The following DRC1 variants were observed in gnomAD, a reference collection of about 807,000 sequenced individuals.
DRC1 encodes the protein dynein regulatory complex protein 1.
In DRC1, 74 loss-of-function variants were observed where a neutral mutation model predicts 98.7. The ratio of observed to expected loss-of-function variants is 0.75; its 90% CI spans 0.62 to 0.91. DRC1 has a LOEUF of 0.91. Ranked by LOEUF, DRC1 falls within the 40% of genes least tolerant of loss-of-function variation. The probability of loss-of-function intolerance (pLI) is 0.00; values close to 1 mark genes in which losing one functional copy is unlikely to be tolerated. For synonymous variants in DRC1, 336 were observed against 334.1 expected, an observed-to-expected ratio of 1.01 and a Z score of -0.06; for missense variants, 875 against 886.0, an observed-to-expected ratio of 0.99 and a Z score of 0.16.
At chr2:26,439,170 C>T (rs529255656) in intron 7 of DRC1, among the ~76,000 whole-genome samples, 1 of 152,116 alleles carries the variant, frequency 6.6e-6, no homozygotes, top group Non-Finnish European at 1.5e-5. Context: ...GCACCCACCC[C>T]CCTTGCCTCA....
In DRC1 at chr2:26,455,243, G is replaced by C. The variant is rs368470989; in HGVS notation, c.2166+10G>C. On this transcript the variant is annotated intron_variant, in intron 16 of 16. Coordinates refer to ENST00000288710, the MANE Select transcript of DRC1 (RefSeq NM_145038.5). ...GTATCTGAACTCCAAGGTGGGCGGCGGGGCCTTCCAAGGAGGGGCAGCGGG... is the reference window on the plus strand; with the variant it reads ...GTATCTGAACTCCAAGGTGGGCGGCCGGGCCTTCCAAGGAGGGGCAGCGGG... 1 of 1,610,086 alleles carries C rather than the reference G, an allele frequency of 6.2e-7. No individual in the cohort carries two copies. The highest frequency in any genetic ancestry group is 1.1e-5 in the South Asian group (1 of 90,934).
At position 26,432,098 on chromosome 2, in the gene DRC1, T is replaced by C. The variant is rs149927172; in HGVS notation, c.888+92T>C. On this transcript the variant is annotated intron_variant, in intron 7 of 16. Coordinates refer to ENST00000288710, the MANE Select transcript of DRC1 (RefSeq NM_145038.5). ...TCATATTTAGCAACTACCTGTGATA[T>C]TCTAGAGGTAGTCCCTTCAGCACGT... 3.1e-3 allele frequency: 4,718 copies of C among 1,501,138 alleles called. 8 individuals carry two copies. The highest frequency in any genetic ancestry group is 3.9e-3 in the Non-Finnish European group (4,344 of 1,120,062). 93.0% of individuals were successfully genotyped at this position (1,501,138 alleles called of 1,614,324 possible).
intron 2 of DRC1, among the ~76,000 whole-genome samples, 197 bp downstream of exon 2, chr2:26,414,628 C>T (rs751341063): frequency 5.3e-5 from 8 of 152,226 alleles, no homozygotes; most frequent in Non-Finnish European, 1.2e-4. Flanking sequence ...GCTGTCTCTT[C>T]TCTGCTCATG....
chr2:26,430,574 C>T (rs746949743), intron 5 of DRC1: 24 of 645,112 alleles, frequency 3.7e-5, no homozygotes, highest in East Asian at 2.3e-4. Flanking sequence ...ATCTCCTCTC[C>T]GCATTTGGAG....
At chr2:26,417,255 A>G (rs1028634704) in intron 2 of DRC1, among the ~76,000 whole-genome samples, 4 of 151,958 alleles carry the variant, frequency 2.6e-5, no homozygotes, top group African/African-American at 9.7e-5. Context: ...TAGCTTTATG[A>G]CAGTTCTTGA....
Position 26,453,545 on chromosome 2 carries a change from C to G in DRC1, c.1915C>G (p.Pro639Ala). ...GGCCTTCGTCATGGGTCTGAAGAAG[C>G]CTAGGTGGGCTGCGGGGCTGGAAGG... Reference protein sequence around the residue: ...LEAFVMGLKKPRDSRAPLRVQ... With the variant: ...LEAFVMGLKKARDSRAPLRVQ... Residue 639 changes from proline to alanine, a missense_variant, in exon 14 of 17, where the codon CCT (proline) becomes GCT (alanine). By Grantham distance (27) the Pro-to-Ala change is conservative (BLOSUM62 -1). Coordinates refer to ENST00000288710, the MANE Select transcript of DRC1 (RefSeq NM_145038.5). 1.9e-6 allele frequency: 3 copies of G among 1,612,866 alleles called. No individual in the cohort carries two copies. The highest frequency in any genetic ancestry group is 2.5e-6 in the Non-Finnish European group (3 of 1,179,192).
At chr2:26,455,719 C>A (rs1315947123) in intron 16 of DRC1, among the ~76,000 whole-genome samples, 2 of 152,260 alleles carry the variant, frequency 1.3e-5, no homozygotes, top group Non-Finnish European at 2.9e-5. Context: ...TGGGATATGA[C>A]TGGAGGGTCA....
rs1427257387 is a variant in DRC1 at position 26,456,572 on chromosome 2, C to T, written c.*55C>T. The T allele has an allele frequency of 6.9e-6, 11 of 1,605,520 alleles. No individual in the cohort carries two copies. Among genetic ancestry groups the T allele is most frequent in the Admixed American group, 3.3e-5 (2 of 59,770 alleles). On this transcript the variant is annotated 3_prime_UTR_variant, in exon 17 of 17. Transcript: ENST00000288710. Reference sequence around the variant, plus strand: ...GCTGGCCTGATGCTGGTGTCTGTGCCGGAGCCAGCTCATATCACCCACTGG... The same window carrying T: ...GCTGGCCTGATGCTGGTGTCTGTGCTGGAGCCAGCTCATATCACCCACTGG...
At chr2:26,444,462 T>C (rs1433079396) in intron 9 of DRC1, 106 bp downstream of exon 9, 2 of 1,465,900 alleles carry the variant, frequency 1.4e-6, no homozygotes, top group Non-Finnish European at 1.8e-6. Flanking sequence ...CCAGCTATTC[T>C]GGGGCTGGAC....
At chr2:26,450,481 T>C in intron 12 of DRC1, 111 bp from the exon 13 acceptor site, 1 of 884,138 alleles carries the variant, frequency 1.1e-6, no homozygotes, top group Non-Finnish European at 1.8e-6. Context: ...GTTGGATGAA[T>C]GCCCTCCACA....
intron 8 of DRC1, among the ~76,000 whole-genome samples, chr2:26,442,721 G>A (rs1190392556): frequency 6.6e-6 from 1 of 152,124 alleles, no homozygotes; most frequent in African/African-American, 2.4e-5. Flanking sequence ...GTCATTTCCA[G>A]GGCACAGTTT....
chr2:26,414,659 C>T (rs978761848), intron 2 of DRC1, among the ~76,000 whole-genome samples: 10 of 152,234 alleles, frequency 6.6e-5, no homozygotes, highest in Admixed American at 6.5e-4. Context: ...GGTATTCACT[C>T]TTCATAGGAT....
intron 2 of DRC1, among the ~76,000 whole-genome samples, chr2:26,416,391 C>T (rs781293900): frequency 6.6e-6 from 1 of 152,138 alleles, no homozygotes; most frequent in Non-Finnish European, 1.5e-5. Context: ...CTGCCTGCCT[C>T]AGCCTCCCAA....
intron 10 of DRC1, 69 bp from the exon 11 acceptor site, chr2:26,448,622 C>A: frequency 6.6e-7 from 1 of 1,509,936 alleles, no homozygotes; most frequent in Non-Finnish European, 9.2e-7. Flanking sequence ...CTGACTGTTT[C>A]TCAGAGTCAA....
chr2:26,413,004 G>C (rs1678669082), intron 1 of DRC1, among the ~76,000 whole-genome samples: 1 of 152,132 alleles, frequency 6.6e-6, no homozygotes, highest in African/African-American at 2.4e-5. Context: ...GGGTAGTCTC[G>C]ATCTCCTGAC....
In DRC1 at chr2:26,453,300, G is replaced by C; in HGVS notation, c.1690-20G>C. On this transcript the variant is annotated intron_variant, in intron 13 of 16. Coordinates refer to ENST00000288710, the MANE Select transcript of DRC1 (RefSeq NM_145038.5). ...GCTCGTGTGTCCCCAGCCCACAGTT[G>C]TCCGTGCATCTTTCTCCAGATCAAG... The C allele has an allele frequency of 6.2e-7, 1 of 1,613,778 alleles. No homozygotes were observed.
At chr2:26,455,699 G>A (rs981674482) in intron 16 of DRC1, among the ~76,000 whole-genome samples, 20 of 152,264 alleles carry the variant, frequency 1.3e-4, no homozygotes, top group African/African-American at 4.8e-4. Context: ...ACCAGCCCCG[G>A]TTCCCTGCCT....
At chr2:26,420,101 T>G (rs1663085949) in intron 2 of DRC1, among the ~76,000 whole-genome samples, 1 of 152,186 alleles carries the variant, frequency 6.6e-6, no homozygotes, top group African/African-American at 2.4e-5. Context: ...TGAGTTGCCT[T>G]TATCTGCTCA....
At chr2:26,416,245 GT>G (rs1309697737) in intron 2 of DRC1, among the ~76,000 whole-genome samples, 1 of 152,018 alleles carries the variant, frequency 6.6e-6, no homozygotes, top group Non-Finnish European at 1.5e-5. Context: ...TGACCCTGCA[GT>G]TTTTCATTTT....
Sources: allele counts gnomAD v4.1 joint callset (sites outside exome capture counted in the v4.1 genomes callset), GRCh38; gene constraint gnomAD v4.1.1; transcripts MANE v1.5; gene names NCBI Gene and HGNC (gene_info 2026-07-23, HGNC 2026-07-21).